BTBD9: variants seen among roughly 807,000 people sequenced by gnomAD.
BTBD9 encodes the protein BTB domain containing 9.
BTBD9 carries 49 observed loss-of-function variants against 64.3 expected under a neutral mutation model. That is an observed-to-expected ratio of 0.76 (90% CI 0.61 to 0.97). BTBD9 has a LOEUF of 0.97. Ranked by LOEUF, BTBD9 falls within the 50% of genes least tolerant of loss-of-function variation. The pLI is 0.00. For synonymous variants in BTBD9, 260 were observed against 274.7 expected (o/e 0.95, Z 0.53); for missense variants, 598 against 762.1 (o/e 0.78, Z 2.53).
chr6:38,357,075 T>A (rs1257310626), intron 6 of BTBD9, among the ~76,000 whole-genome samples: 1 of 152,164 alleles, frequency 6.6e-6, no homozygotes, highest in Admixed American at 6.5e-5. Flanking sequence ...ACACTCTGTT[T>A]TATCCACCTC....
At chr6:38,545,096 T>C (rs1473698087) in intron 6 of BTBD9, among the ~76,000 whole-genome samples, 1 of 151,994 alleles carries the variant, frequency 6.6e-6, no homozygotes, top group Non-Finnish European at 1.5e-5. Flanking sequence ...TTTTTGTTTG[T>C]TTGTTTGTTT....
chr6:38,278,848 A>G (rs1232683423), intron 8 of BTBD9, among the ~76,000 whole-genome samples: 1 of 152,224 alleles, frequency 6.6e-6, no homozygotes, highest in Non-Finnish European at 1.5e-5. Flanking sequence ...TTCAGGCATA[A>G]TAAGGTAAAA....
At chr6:38,304,001 G>A (rs1222332079) in intron 7 of BTBD9, among the ~76,000 whole-genome samples, 1 of 144,792 alleles carries the variant, frequency 6.9e-6, no homozygotes, top group African/African-American at 2.6e-5. Context: ...TTTCTACTTT[G>A]ATCTCGACAT....
At chr6:38,350,757 T>C (rs893471376) in intron 6 of BTBD9, among the ~76,000 whole-genome samples, 1 of 152,248 alleles carries the variant, frequency 6.6e-6, no homozygotes, top group Non-Finnish European at 1.5e-5. Context: ...GCGGAGAACA[T>C]TGTTGTTTGT....
chr6:38,435,570 T>A (rs1235937715), intron 6 of BTBD9, among the ~76,000 whole-genome samples: 3 of 147,772 alleles, frequency 2.0e-5, no homozygotes, highest in Non-Finnish European at 4.5e-5. Flanking sequence ...TTTCTTTCCT[T>A]CTTTCCTTCC....
intron 7 of BTBD9, among the ~76,000 whole-genome samples, chr6:38,310,022 C>G (rs1762770587): frequency 6.6e-6 from 1 of 152,084 alleles, no homozygotes; most frequent in Non-Finnish European, 1.5e-5. Flanking sequence ...GACATAACAC[C>G]AAATCTCTTG....
chr6:38,440,182 G>C (rs1388398997), intron 6 of BTBD9, among the ~76,000 whole-genome samples: 1 of 152,264 alleles, frequency 6.6e-6, no homozygotes, highest in South Asian at 2.1e-4. Flanking sequence ...CTTGATTGAG[G>C]TCACCAAATT....
chr6:38,388,610 T>C (rs1766284323), intron 6 of BTBD9, among the ~76,000 whole-genome samples: 3 of 152,218 alleles, frequency 2.0e-5, no homozygotes, highest in Admixed American at 1.3e-4. Context: ...AAAGAAAATA[T>C]ATCAACTGAA....
At chr6:38,499,794 T>C (rs1178737451) in intron 6 of BTBD9, among the ~76,000 whole-genome samples, 6 of 152,210 alleles carry the variant, frequency 3.9e-5, no homozygotes, top group Non-Finnish European at 7.3e-5. Context: ...AGGTGCAGCA[T>C]GCTGTCTTAG....
At chr6:38,240,703 G>C (rs939079496) in intron 9 of BTBD9, among the ~76,000 whole-genome samples, 2 of 152,224 alleles carry the variant, frequency 1.3e-5, no homozygotes, top group South Asian at 4.1e-4. Context: ...GCAATGTGAA[G>C]GCATAAATTT....
At chr6:38,524,271 A>G (rs1346028664) in intron 6 of BTBD9, among the ~76,000 whole-genome samples, 1 of 152,162 alleles carries the variant, frequency 6.6e-6, no homozygotes, top group Admixed American at 6.5e-5. Flanking sequence ...AGTGGTTTTT[A>G]GCTGAGTTTC....
At chr6:38,206,335 G>A (rs1304429571) in intron 9 of BTBD9, among the ~76,000 whole-genome samples, 2 of 151,496 alleles carry the variant, frequency 1.3e-5, no homozygotes, top group Admixed American at 6.6e-5. Flanking sequence ...CCCACCTCCC[G>A]GGTTCAAGCA....
intron 6 of BTBD9, among the ~76,000 whole-genome samples, chr6:38,514,812 C>T (rs552450644): frequency 3.3e-5 from 5 of 152,262 alleles, no homozygotes; most frequent in African/African-American, 1.2e-4. Flanking sequence ...AAAAGGACTA[C>T]TTCATCCAAC....
intron 6 of BTBD9, among the ~76,000 whole-genome samples, chr6:38,528,163 A>G (rs1009133650): frequency 2.0e-5 from 3 of 152,074 alleles, no homozygotes; most frequent in African/African-American, 7.2e-5. Flanking sequence ...ACTCAGTGCT[A>G]TTTTGTCACA....
chr6:38,422,164 T>G (rs1315263665), intron 6 of BTBD9, among the ~76,000 whole-genome samples: 1 of 152,150 alleles, frequency 6.6e-6, no homozygotes, highest in African/African-American at 2.4e-5. Context: ...GTCTAATTAT[T>G]TCATTTCTCC....
chr6:38,433,505 G>C (rs1489648589), intron 6 of BTBD9, among the ~76,000 whole-genome samples: 1 of 151,750 alleles, frequency 6.6e-6, no homozygotes, highest in Non-Finnish European at 1.5e-5. Flanking sequence ...TCCTGGCTCA[G>C]AACCTCCCCA....
intron 10 of BTBD9, among the ~76,000 whole-genome samples, chr6:38,181,194 C>T (rs960303961): frequency 1.3e-5 from 2 of 152,218 alleles, no homozygotes; most frequent in Non-Finnish European, 2.9e-5. Flanking sequence ...CTGTGAACTG[C>T]AGCAGAAATT....
intron 6 of BTBD9, among the ~76,000 whole-genome samples, chr6:38,574,175 T>C (rs115540075): frequency 0.017 from 2,564 of 152,334 alleles, 47 homozygotes; most frequent in African/African-American, 0.054. Flanking sequence ...ACCATTGCTC[T>C]GAGTTCATTA....
intron 7 of BTBD9, among the ~76,000 whole-genome samples, chr6:38,288,787 C>T (rs1478153296): frequency 6.6e-6 from 1 of 151,904 alleles, no homozygotes; most frequent in Non-Finnish European, 1.5e-5. Flanking sequence ...ATCAGCCAGG[C>T]GTGGTGGCGT....
Sources: allele counts gnomAD v4.1 joint callset (sites outside exome capture counted in the v4.1 genomes callset), GRCh38; gene constraint gnomAD v4.1.1; transcripts MANE v1.5; gene names NCBI Gene and HGNC (gene_info 2026-07-23, HGNC 2026-07-21).